WWOX: variants seen among roughly 807,000 people sequenced by gnomAD.
WWOX encodes WW domain containing oxidoreductase.
A neutral mutation model predicts 46.2 loss-of-function variants in WWOX; 69 were observed. That is an observed-to-expected ratio of 1.49 (90% CI 1.23 to 1.82). The LOEUF is 1.82. Among genes scored for constraint, WWOX ranks in the 40% most tolerant of loss-of-function variants. The pLI, the probability that WWOX is intolerant of heterozygous loss-of-function variation, is 0.00. For synonymous variants in WWOX, 359 were observed against 202.6 expected (o/e 1.77, Z -6.56); for missense variants, 919 against 542.6 (o/e 1.69, Z -6.89).
chr16:79,143,752 T>C (rs2050133803), intron 8 of WWOX, among the ~76,000 whole-genome samples: 1 of 152,152 alleles, frequency 6.6e-6, no homozygotes, highest in East Asian at 1.9e-4. Flanking sequence ...TATGCGCCCA[T>C]GGGAAACTGG....
intron 8 of WWOX, among the ~76,000 whole-genome samples, chr16:78,664,779 A>C (rs2047291937): frequency 6.6e-6 from 1 of 152,184 alleles, no homozygotes; most frequent in South Asian, 2.1e-4. Context: ...TTTCTTAATT[A>C]TTAACAGTTA....
intron 8 of WWOX, chr16:79,203,290 C>G (rs1245568103): frequency 6.6e-6 from 1 of 152,202 alleles, no homozygotes; most frequent in Non-Finnish European, 1.5e-5. Context: ...GTCTTGGAAC[C>G]TGAGAAATGG....
At chr16:78,731,331 G>A (rs7188137) in intron 8 of WWOX, among the ~76,000 whole-genome samples, 3,716 of 152,200 alleles carry the variant, frequency 0.024, 144 homozygotes, top group African/African-American at 0.085. Context: ...GCTTTTTCAG[G>A]TAGAGGCTGA....
intron 5 of WWOX, among the ~76,000 whole-genome samples, chr16:78,370,592 T>C (rs1005546736): frequency 6.6e-6 from 1 of 152,088 alleles, no homozygotes; most frequent in African/African-American, 2.4e-5. Context: ...AATTATGGAT[T>C]CTGTCTTATT....
chr16:78,344,433 G>A lies in WWOX; in HGVS notation c.517-42427G>A, dbSNP rs971526960. Among the ~76,000 whole-genome samples, 8 of 121,528 alleles carry A rather than the reference G, an allele frequency of 6.6e-5. 2 individuals carry two copies. The highest frequency in any genetic ancestry group is 2.2e-4 in the African/African-American group (8 of 35,882). 79.7% of individuals were successfully genotyped at this position (121,528 alleles called of 152,430 possible). ...TCAAATGATTTCCAGCAAGGAAGATGGAATTACCACGAGGAACCTGTTCTC... is the reference window on the plus strand; with the variant it reads ...TCAAATGATTTCCAGCAAGGAAGATAGAATTACCACGAGGAACCTGTTCTC... On this transcript the variant is annotated intron_variant, in intron 5 of 8. Coordinates refer to ENST00000566780, the MANE Select transcript of WWOX (RefSeq NM_016373.4).
chr16:78,543,176 G>A (rs376919502), intron 8 of WWOX, among the ~76,000 whole-genome samples: 1 of 152,204 alleles, frequency 6.6e-6, no homozygotes, highest in East Asian at 1.9e-4. Context: ...TCTCACAGCT[G>A]CTACATCTGG....
chr16:78,466,012 A>C (rs2738666), intron 8 of WWOX, among the ~76,000 whole-genome samples: 2 of 151,592 alleles, frequency 1.3e-5, no homozygotes, highest in East Asian at 3.9e-4. Flanking sequence ...AATGAGTACA[A>C]GTTTCTTTAG....
intron 8 of WWOX, among the ~76,000 whole-genome samples, chr16:79,007,008 C>T (rs564653674): frequency 6.6e-6 from 1 of 152,146 alleles, no homozygotes; most frequent in South Asian, 2.1e-4. Flanking sequence ...AACATATTCA[C>T]AGGTTCTGGT....
At chr16:78,465,909 C>T (rs1452991840) in intron 8 of WWOX, among the ~76,000 whole-genome samples, 1 of 152,144 alleles carries the variant, frequency 6.6e-6, no homozygotes, top group Non-Finnish European at 1.5e-5. Flanking sequence ...ATAGGATATT[C>T]CATTTATATA....
chr16:79,073,296 C>T (rs555893503), intron 8 of WWOX, among the ~76,000 whole-genome samples: 1 of 151,976 alleles, frequency 6.6e-6, no homozygotes, highest in Non-Finnish European at 1.5e-5. Context: ...TCTTCTGCCT[C>T]AGCTTCCTGA....
At chr16:78,941,216 G>C (rs2045845300) in intron 8 of WWOX, among the ~76,000 whole-genome samples, 1 of 152,186 alleles carries the variant, frequency 6.6e-6, no homozygotes, top group African/African-American at 2.4e-5. Context: ...ATCATGTAGT[G>C]GAGAGCGTGT....
At chr16:78,920,361 A>G (rs370830827) in intron 8 of WWOX, among the ~76,000 whole-genome samples, 4 of 152,084 alleles carry the variant, frequency 2.6e-5, no homozygotes, top group East Asian at 1.9e-4. Context: ...ATTGTCTCCC[A>G]TGGGTGCAGA....
intron 5 of WWOX, among the ~76,000 whole-genome samples, chr16:78,236,934 T>C (rs1304439560): frequency 6.6e-6 from 1 of 151,738 alleles, no homozygotes; most frequent in East Asian, 1.9e-4. Flanking sequence ...AGTTAGCCGG[T>C]GTGGTGGTGC....
chr16:78,994,969 C>CTTTTTTT (rs869088414), intron 8 of WWOX, among the ~76,000 whole-genome samples: 235 of 114,624 alleles, frequency 2.1e-3, no homozygotes, highest in Non-Finnish European at 2.7e-3. Flanking sequence ...TCTTCTTCTT[C>CTTTTTTT]TTTTTTTTTT....
intron 4 of WWOX, among the ~76,000 whole-genome samples, chr16:78,124,843 A>G (rs2031025901): frequency 1.3e-5 from 2 of 152,154 alleles, no homozygotes; most frequent in Non-Finnish European, 2.9e-5. Context: ...AAGCAAGACA[A>G]GGTTTCTTCA....
At chr16:78,750,611 T>C (rs1319523877) in intron 8 of WWOX, among the ~76,000 whole-genome samples, 1 of 152,104 alleles carries the variant, frequency 6.6e-6, no homozygotes, top group Non-Finnish European at 1.5e-5. Flanking sequence ...TAGTACTCAA[T>C]AGGTAGTTTT....
chr16:78,187,026 A>G (rs933688622), intron 5 of WWOX, among the ~76,000 whole-genome samples: 1 of 152,164 alleles, frequency 6.6e-6, no homozygotes, highest in Non-Finnish European at 1.5e-5. Context: ...GTGTAGTTCT[A>G]TGAAAAGTTA....
At chr16:78,553,858 C>G (rs750858775) in intron 8 of WWOX, among the ~76,000 whole-genome samples, 1 of 151,906 alleles carries the variant, frequency 6.6e-6, no homozygotes, top group Admixed American at 6.6e-5. Flanking sequence ...TGTGGCTGCC[C>G]GGAGAGCTTG....
At chr16:78,326,405 G>T (rs776003491) in intron 5 of WWOX, among the ~76,000 whole-genome samples, 29 of 152,020 alleles carry the variant, frequency 1.9e-4, no homozygotes, top group Non-Finnish European at 3.8e-4. Flanking sequence ...AAAATGCCAG[G>T]TTGTAATCAT....
Sources: allele counts gnomAD v4.1 joint callset (sites outside exome capture counted in the v4.1 genomes callset), GRCh38; gene constraint gnomAD v4.1.1; transcripts MANE v1.5; gene names NCBI Gene and HGNC (gene_info 2026-07-23, HGNC 2026-07-21).